Variants in MAMDC4 observed in about 807,000 individuals in gnomAD.
MAMDC4 encodes the protein MAM domain containing 4, also known as apical endosomal glycoprotein.
MAMDC4 carries 168 observed loss-of-function variants against 153.3 expected under a neutral mutation model. The ratio of observed to expected loss-of-function variants is 1.10; its 90% CI spans 0.97 to 1.25. MAMDC4 has a LOEUF of 1.25. Ranked by LOEUF, MAMDC4 falls within the 50% of genes most tolerant of loss-of-function variation. The pLI is 0.00. For synonymous variants in MAMDC4, 744 were observed against 651.5 expected (o/e 1.14, Z -2.16); for missense variants, 1,701 against 1,542.8 (o/e 1.10, Z -1.72).
Position 136,857,712 on chromosome 9 carries a change from G to A in MAMDC4, c.2380G>A (p.Ala794Thr). Reference sequence around the variant, plus strand: ...AGACGCACTACCCCGGGGCCAGACGGCCTCCCTGACCTCCAAGGAGCACAG... The same window carrying A: ...AGACGCACTACCCCGGGGCCAGACGACCTCCCTGACCTCCAAGGAGCACAG... ...SPDALPRGQT[A>T]SLTSKEHRPL... Residue 794 changes from alanine to threonine, a missense_variant, in exon 19 of 27, where the codon GCC becomes ACC. Transcript: ENST00000317446. 6.2e-7 allele frequency: 1 copy of A among 1,612,646 alleles called. No individual in the cohort carries two copies. The highest frequency in any genetic ancestry group is 8.5e-7 in the Non-Finnish European group (1 of 1,179,820).
rs908888826 is a variant in MAMDC4, at chr9:136,858,074, G to A, written c.2560G>A (p.Val854Met). 1.8e-5 allele frequency: 27 copies of A among 1,531,460 alleles called. No homozygotes were observed. The African/African-American group carries it at 3.3e-4, about 19-fold the overall frequency. 94.9% of individuals were successfully genotyped at this position (1,531,460 alleles called of 1,614,324 possible). ...TGCCTGGCGCCTGGGCAGCATGGAC[G>A]TGCAGGCCGAGCGAGCCTGGAGGGT... ...GLAWRLGSMD[V>M]QAERAWRVVF... Residue 854 changes from valine to methionine, a missense_variant, in exon 20 of 27, where the codon GTG (valine) becomes ATG (methionine). Val to Met is a conservative substitution (Grantham distance 21, BLOSUM62 1). Coordinates refer to ENST00000317446, the MANE Select transcript of MAMDC4 (RefSeq NM_206920.3).
Position 136,854,232 on chromosome 9 carries a change from C to A in MAMDC4, c.692C>A (p.Pro231Gln). The change falls in exon 7 of 27, where the codon CCG becomes CAG. Residue 231 changes from proline to glutamine, a missense_variant. Coordinates refer to ENST00000317446, the MANE Select transcript of MAMDC4 (RefSeq NM_206920.3). ...CCAGCCCCCCAGGCCAACTGTCCCC[C>A]GGGACACCACCACTGCCAGAACAAG... ...GLPTPQANCP[P>Q]GHHHCQNKVC... is the part of the protein sequence containing the mutation. 1 of 1,612,098 alleles carries A rather than the reference C, an allele frequency of 6.2e-7. No individual in the cohort carries two copies.
Position 136,854,681 on chromosome 9 carries a change from G to T in MAMDC4, c.934+5G>T. ...ACAGCCGGAACAGTGCACAGGGTGA[G>T]GCCCACAGAGGACCCGGCCCAGGCC... On this transcript the variant is annotated splice_donor_5th_base_variant and intron_variant, in intron 8 of 26. Transcript: ENST00000317446. The T allele has an allele frequency of 6.2e-7, 1 of 1,611,004 alleles. No individual in the cohort carries two copies. Among genetic ancestry groups the T allele is most frequent in the Non-Finnish European group, 8.5e-7 (1 of 1,179,214 alleles).
rs749957270 is a variant in MAMDC4 at position 136,855,430 on chromosome 9, G to C, written c.1283-1G>C. On this transcript the variant is annotated splice_acceptor_variant, in intron 11 of 26. Coordinates refer to ENST00000317446, the MANE Select transcript of MAMDC4 (RefSeq NM_206920.3). LOFTEE classifies it high-confidence loss of function. ...TCCTGACACCAGTTCTGCCCCCACA[G>C]AGGTGTCCACCCTGCAGCCGCTGCC... 1 of 1,609,068 alleles carries C rather than the reference G, an allele frequency of 6.2e-7. No homozygotes were observed.
In MAMDC4 at chr9:136,859,252, C is replaced by A. The variant is rs764520941; in HGVS notation, c.3128C>A (p.Pro1043His). 1.1e-5 allele frequency: 17 copies of A among 1,612,182 alleles called. No individual in the cohort carries two copies. The East Asian group carries it at 3.8e-4, about 36-fold the overall frequency. ...ATLGGQPALGPIALDDVEYLA... is the reference protein window; with the variant it reads ...ATLGGQPALGHIALDDVEYLA... ...CTGGGCGGCCAGCCAGCCCTGGGGC[C>A]CATTGCCCTGGATGACGTGGAGTAT... The change falls in exon 25 of 27, where the codon CCC (proline) becomes CAC (histidine). Residue 1043 changes from proline to histidine, a missense_variant. Transcript: ENST00000317446.
rs1849017433 is a variant in MAMDC4, at chr9:136,857,149, G to GGACTA, written c.1973-15_1973-14insACTAG. 2 of 1,612,066 alleles carry GGACTA rather than the reference G, an allele frequency of 1.2e-6. No homozygotes were observed. The highest frequency in any genetic ancestry group is 2.2e-5 in the East Asian group (1 of 44,872). On this transcript the variant is annotated splice_polypyrimidine_tract_variant and intron_variant, in intron 16 of 26. Coordinates refer to ENST00000317446, the MANE Select transcript of MAMDC4 (RefSeq NM_206920.3). Reference sequence around the variant, plus strand: ...ACAGGAGAGAGGTCAGTTATGGACTGGTCCCCTCCCTGCAGGGACTCTGCG... The same window carrying GGACTA: ...ACAGGAGAGAGGTCAGTTATGGACTGGACTAGTCCCCTCCCTGCAGGGACTCTGCG...
chr9:136,857,845 T>C, intron 19 of MAMDC4, 49 bp downstream of exon 19: 1 of 1,588,136 alleles, frequency 6.3e-7, no homozygotes, highest in South Asian at 1.1e-5. Flanking sequence ...AAGCTTGGCC[T>C]GGTGTCCCCA....
rs140154586 is a variant in MAMDC4, at chr9:136,859,345, G to A, written c.3193+28G>A. 1.4e-3 allele frequency: 2,214 copies of A among 1,584,594 alleles called. 31 individuals carry two copies. The African/African-American group carries it at 0.024, about 17-fold the overall frequency. ...GAGCCCTGGGCTGCAGTGGAGGCAC[G>A]GAGGAGGGCCCAAGGGGCCAGCCTG... On this transcript the variant is annotated intron_variant, in intron 25 of 26. Coordinates refer to ENST00000317446, the MANE Select transcript of MAMDC4 (RefSeq NM_206920.3).
chr9:136,859,456 C>T (rs1849055877), intron 25 of MAMDC4, 139 bp downstream of exon 25: 4 of 798,366 alleles, frequency 5.0e-6, no homozygotes, highest in Admixed American at 5.8e-5. Context: ...GCTGCCAGGC[C>T]CAGGCCCTGT....
chr9:136,856,696 G>A lies in MAMDC4; in HGVS notation c.1721-14G>A. On this transcript the variant is annotated splice_polypyrimidine_tract_variant and intron_variant, in intron 14 of 26. Transcript: ENST00000317446. The stretch of plus-strand genomic sequence containing the variant: ...GGGGAGAAGGTGTGTGACGCCACCT[G>A]GCCCCACCCCCAGAGGTCTCCTGTA... The A allele has an allele frequency of 6.2e-7, 1 of 1,611,130 alleles. No individual in the cohort carries two copies. Among genetic ancestry groups the A allele is most frequent in the South Asian group, 1.1e-5 (1 of 90,996 alleles).
At chr9:136,858,658 G>A in intron 22 of MAMDC4, 61 bp from the exon 23 acceptor site, 1 of 1,603,894 alleles carries the variant, frequency 6.2e-7, no homozygotes, top group Non-Finnish European at 8.5e-7. Context: ...CCGAGCCTCT[G>A]CTCGGGCCCT....
Position 136,858,258 on chromosome 9 carries a change from G to A in MAMDC4, c.2656G>A (p.Gly886Arg), listed in dbSNP as rs151125101. Residue 886 changes from glycine (G) to arginine (R), a missense_variant, in exon 21 of 27, where the codon GGG (glycine) becomes AGG (arginine). Physicochemically the swap from Gly to Arg is moderately radical, Grantham distance 125. Transcript: ENST00000317446. ...TCTGGATGATCTGCTCCTCCAGGAC[G>A]GGCCCTGCCCTCAGCCAGGTGGGAG... ...VALDDLLLQD[G>R]PCPQPGSCDF... is the part of the protein sequence containing the mutation. 746 of 1,601,522 alleles carry A rather than the reference G, an allele frequency of 4.7e-4. 2 individuals are homozygous for A. Among genetic ancestry groups the A allele is most frequent in the South Asian group, 9.3e-4 (84 of 90,670 alleles).
intron 26 of MAMDC4, among the ~76,000 whole-genome samples, chr9:136,860,322 C>G: frequency 6.6e-6 from 1 of 152,194 alleles, no homozygotes; most frequent in East Asian, 1.9e-4. Context: ...GAGTTTGAGA[C>G]CAGCCTGCCC....
intron 19 of MAMDC4, 56 bp from the exon 20 acceptor site, chr9:136,857,923 C>A: frequency 6.8e-7 from 1 of 1,472,976 alleles, no homozygotes; most frequent in East Asian, 2.5e-5. Context: ...GGAGCTCAGA[C>A]CAGGGCCTGC....
chr9:136,858,704 T>G lies in MAMDC4; in HGVS notation c.2822-15T>G, dbSNP rs778178389. On this transcript the variant is annotated splice_polypyrimidine_tract_variant and intron_variant, in intron 22 of 26. Transcript: ENST00000317446. Reference sequence around the variant, plus strand: ...TCTGCCCATCAGCTGGGCATCAGCCTCCTCTTGTTCCCAGGCCACTTTGCC... The same window carrying G: ...TCTGCCCATCAGCTGGGCATCAGCCGCCTCTTGTTCCCAGGCCACTTTGCC... 3.7e-6 allele frequency: 6 copies of G among 1,611,698 alleles called. No individual in the cohort carries two copies. Among genetic ancestry groups the G allele is most frequent in the Non-Finnish European group, 5.1e-6 (6 of 1,179,672 alleles).
At chr9:136,853,047 C>A (rs930803106) in intron 1 of MAMDC4, 55 bp from the exon 2 acceptor site, 2 of 1,467,968 alleles carry the variant, frequency 1.4e-6, no homozygotes, top group Admixed American at 1.7e-5. Context: ...CCTAGGCAGG[C>A]TGGGATGGCT....
chr9:136,852,710 G>GT (rs1848943946), intron 1 of MAMDC4, among the ~76,000 whole-genome samples: 1 of 152,196 alleles, frequency 6.6e-6, no homozygotes, highest in Non-Finnish European at 1.5e-5. Flanking sequence ...CTCAGGAGGT[G>GT]CCCCCAGCTC....
chr9:136,855,401 T>G, intron 11 of MAMDC4, 30 bp from the exon 12 acceptor site: 1 of 1,603,940 alleles, frequency 6.2e-7, no homozygotes, highest in South Asian at 1.1e-5. Flanking sequence ...TCCCCATCCC[T>G]GCCTCCTGAC....
At chr9:136,852,548 G>A in intron 1 of MAMDC4, 86 bp downstream of exon 1, 1 of 1,490,482 alleles carries the variant, frequency 6.7e-7, no homozygotes, top group South Asian at 1.1e-5. Context: ...CGGACACCAG[G>A]GCTGATGCCT....
Sources: gnomAD v4.1 joint callset for allele counts (sites outside exome capture counted in the v4.1 genomes callset) on GRCh38, gnomAD v4.1.1 for gene constraint, MANE v1.5 for transcripts, NCBI Gene and HGNC (gene_info 2026-07-23, HGNC 2026-07-21) for gene names.